The following GSG1L variants were observed in gnomAD, a reference collection of about 807,000 sequenced individuals.
The protein encoded by GSG1L is germ cell-specific gene 1-like protein.
A neutral mutation model predicts 42.1 loss-of-function variants in GSG1L; 24 were observed. The observed-to-expected ratio is 0.57, with a 90% CI of 0.41 to 0.80. GSG1L has a LOEUF of 0.80. GSG1L is among the 30% of genes least tolerant of loss of function. The probability of loss-of-function intolerance (pLI) is 0.00; values close to 1 mark genes in which losing one functional copy is unlikely to be tolerated. For missense variants in GSG1L, 445 were observed against 472.2 expected, an observed-to-expected ratio of 0.94 and a Z score of 0.53; for synonymous variants, 215 against 203.5, an observed-to-expected ratio of 1.06 and a Z score of -0.48.
rs1318081677 is a variant in GSG1L at position 28,034,627 on chromosome 16, A to AG, written c.349+28448dup. The stretch of plus-strand genomic sequence containing the variant: ...CATCCCATGGGGTGACAACACAGGC[A>AG]GGGGAGAGGCCAAGGTTAGGACTCA... On this transcript the variant is annotated intron_variant, in intron 1 of 6. Transcript: ENST00000447459. Among the ~76,000 whole-genome samples, 8 of 152,044 alleles carry AG rather than the reference A, an allele frequency of 5.3e-5. No individual in the cohort carries two copies. In the East Asian group the frequency reaches 1.4e-3, roughly 26 times the overall value.
intron 1 of GSG1L, among the ~76,000 whole-genome samples, chr16:27,980,699 A>G (rs1269141389): frequency 6.6e-6 from 1 of 152,042 alleles, no homozygotes; most frequent in Non-Finnish European, 1.5e-5. Context: ...CCTGGCCAAC[A>G]TGGTGAAACC....
At position 27,803,778 on chromosome 16, in the gene GSG1L, TATATATATATATATATAGATAG is replaced by T. The variant is rs139771457; in HGVS notation, c.898+3687_898+3708del. On this transcript the variant is annotated intron_variant, in intron 6 of 6. Transcript: ENST00000447459. ...CCCACAGTGCAGACATATATATATATATATATATATATATATAGATAGATAGATATAGATATAGATATAGATA... is the reference window on the plus strand; with the variant it reads ...CCCACAGTGCAGACATATATATATATATAGATATAGATATAGATATAGATA... Among the ~76,000 whole-genome samples the T allele has an allele frequency of 3.2e-3, 257 of 80,848 alleles. 4 individuals carry two copies. Among genetic ancestry groups the T allele is most frequent in the African/African-American group, 0.01 (184 of 17,816 alleles). 53.0% of individuals were successfully genotyped at this position (80,848 alleles called of 152,430 possible). A position where few individuals can be genotyped will look rare whatever the true frequency, so the allele number is the denominator to read the frequency against.
intron 3 of GSG1L, among the ~76,000 whole-genome samples, chr16:27,867,872 C>G (rs1015739613): frequency 3.3e-5 from 5 of 152,214 alleles, no homozygotes; most frequent in African/African-American, 7.2e-5. Context: ...CCGGCTGAGT[C>G]GGAGCCTGGG....
intron 6 of GSG1L, among the ~76,000 whole-genome samples, chr16:27,796,925 G>A (rs369249055): frequency 6.6e-6 from 1 of 152,094 alleles, no homozygotes; most frequent in Admixed American, 6.5e-5. Flanking sequence ...AGTGAGATGC[G>A]GCCCTCCCCC....
At chr16:27,960,234 A>G (rs890768189) in intron 2 of GSG1L, among the ~76,000 whole-genome samples, 4 of 152,148 alleles carry the variant, frequency 2.6e-5, no homozygotes, top group Non-Finnish European at 5.9e-5. Context: ...TCAGCAGGAG[A>G]ACCAGACATT....
chr16:27,999,499 A>G (rs951147182), intron 1 of GSG1L, among the ~76,000 whole-genome samples: 9 of 152,196 alleles, frequency 5.9e-5, no homozygotes, highest in African/African-American at 2.2e-4. Context: ...GATTTTATGC[A>G]TCTGTTGTTA....
intron 2 of GSG1L, among the ~76,000 whole-genome samples, chr16:27,886,266 C>A (rs1234670754): frequency 6.6e-6 from 1 of 152,118 alleles, no homozygotes; most frequent in Non-Finnish European, 1.5e-5. Context: ...ATGGTAAACA[C>A]CCATCTCTAC....
At chr16:27,849,082 G>A (rs544616881) in intron 3 of GSG1L, among the ~76,000 whole-genome samples, 1 of 152,000 alleles carries the variant, frequency 6.6e-6, no homozygotes, top group East Asian at 1.9e-4. Flanking sequence ...TCCGCTACTC[G>A]GGAGGCTGAA....
Position 28,059,309 on chromosome 16 carries a change from T to C in GSG1L, c.349+3767A>G, listed in dbSNP as rs8182146. ...TCCTACCCCAACGTCTCTGGGACTG[T>C]GGGAGGGGCCACCGCGGTGTGGGGT... On this transcript the variant is annotated intron_variant, in intron 1 of 6. Coordinates refer to ENST00000447459, the MANE Select transcript of GSG1L (RefSeq NM_001109763.2). This position sits in a 1 kb window ranked among gnomAD's most constrained non-coding sequence, Gnocchi z 4.4. Among the ~76,000 whole-genome samples, 34,283 of 151,968 alleles carry C rather than the reference T, an allele frequency of 0.23. 4,076 individuals are homozygous for C. Among genetic ancestry groups the C allele is most frequent in the East Asian group, 0.37 (1,891 of 5,158 alleles).
chr16:27,947,426 A>AAGAG (rs775560932), intron 2 of GSG1L, among the ~76,000 whole-genome samples: 7 of 140,718 alleles, frequency 5.0e-5, no homozygotes, highest in Middle Eastern at 7.4e-3. Flanking sequence ...GAAAGAAAGA[A>AAGAG]AGAGAAGGAA....
chr16:27,800,957 C>G (rs560804712), intron 6 of GSG1L, among the ~76,000 whole-genome samples: 118 of 151,940 alleles, frequency 7.8e-4, no homozygotes, highest in African/African-American at 2.6e-3. Flanking sequence ...GAAAAGAGAA[C>G]CCGGTGATAT....
chr16:27,945,644 C>T (rs972160449), intron 2 of GSG1L, among the ~76,000 whole-genome samples: 4 of 152,234 alleles, frequency 2.6e-5, no homozygotes, highest in African/African-American at 9.6e-5. Context: ...GCCGGTTCTG[C>T]GGAGCCAATT....
chr16:27,913,159 T>A (rs1353757357), intron 2 of GSG1L, among the ~76,000 whole-genome samples: 1 of 152,160 alleles, frequency 6.6e-6, no homozygotes, highest in Middle Eastern at 3.2e-3. Flanking sequence ...TGTAAACAAG[T>A]TAACTCTGTG....
intron 1 of GSG1L, among the ~76,000 whole-genome samples, chr16:28,010,447 CTGAT>C (rs1383921523): frequency 1.3e-5 from 2 of 152,184 alleles, no homozygotes; most frequent in African/African-American, 4.8e-5. Flanking sequence ...GAGGCCCCCT[CTGAT>C]TGCTGCAGGT....
rs372491015 is a variant in GSG1L, at chr16:28,033,878, G to A, written c.349+29198C>T. On this transcript the variant is annotated intron_variant, in intron 1 of 6. Coordinates refer to ENST00000447459, the MANE Select transcript of GSG1L (RefSeq NM_001109763.2). Reference sequence around the variant, plus strand: ...AAGAGTATATTAAGAAGAGAAAATCGCACAGTGGAAAGCGGAAAATTGTTG... The same window carrying A: ...AAGAGTATATTAAGAAGAGAAAATCACACAGTGGAAAGCGGAAAATTGTTG... 2.0e-4 allele frequency among the ~76,000 whole-genome samples: 31 copies of A among 152,190 alleles called. No individual in the cohort carries two copies. In the East Asian group the frequency reaches 6.0e-3, roughly 29 times the overall value.
At chr16:27,953,186 C>T (rs572149963) in intron 2 of GSG1L, among the ~76,000 whole-genome samples, 2 of 152,150 alleles carry the variant, frequency 1.3e-5, no homozygotes, top group African/African-American at 2.4e-5. Context: ...ACCTCCTGGG[C>T]TCAAGTGATC....
intron 1 of GSG1L, among the ~76,000 whole-genome samples, chr16:28,048,444 A>G (rs1431417480): frequency 6.6e-6 from 1 of 152,122 alleles, no homozygotes; most frequent in Non-Finnish European, 1.5e-5. Context: ...GGATTTTTTT[A>G]ATAGACAGAG....
intron 3 of GSG1L, among the ~76,000 whole-genome samples, chr16:27,871,325 G>T (rs962933597): frequency 6.6e-6 from 1 of 152,146 alleles, no homozygotes; most frequent in Non-Finnish European, 1.5e-5. Context: ...CTGGTCCAGG[G>T]AATTGGGCAC....
chr16:27,878,804 A>T (rs1469263667), intron 3 of GSG1L, among the ~76,000 whole-genome samples: 2 of 152,228 alleles, frequency 1.3e-5, no homozygotes, highest in Non-Finnish European at 2.9e-5. Context: ...AAGAGGGACC[A>T]CTGCCTTGGG....
Sources: allele counts gnomAD v4.1 joint callset (sites outside exome capture counted in the v4.1 genomes callset), GRCh38; gene constraint gnomAD v4.1.1; non-coding constraint Gnocchi (gnomAD v3.1); transcripts MANE v1.5; gene names NCBI Gene and HGNC (gene_info 2026-07-23, HGNC 2026-07-21).